Variants in PLAC8L1 observed in about 807,000 individuals in gnomAD.
PLAC8L1 encodes the protein PLAC8 like 1.
A neutral mutation model predicts 16.3 loss-of-function variants in PLAC8L1; 13 were observed. The observed-to-expected ratio is 0.80, with a 90% confidence interval of 0.52 to 1.27. The LOEUF (loss-of-function observed/expected upper bound fraction) is 1.27. Ranked by LOEUF, PLAC8L1 falls within the 50% of genes most tolerant of loss-of-function variation. The pLI, the probability that PLAC8L1 is intolerant of heterozygous loss-of-function variation, is 0.00. For missense variants in PLAC8L1, 184 were observed against 220.2 expected, an observed-to-expected ratio of 0.84 and a Z score of 1.04; for synonymous variants, 78 against 79.3, an observed-to-expected ratio of 0.98 and a Z score of 0.09.
intron 2 of PLAC8L1, among the ~76,000 whole-genome samples, chr5:146,092,831 C>T (rs903860404): frequency 4.6e-5 from 7 of 151,994 alleles, no homozygotes; most frequent in African/African-American, 9.7e-5. Context: ...CCACCGCACC[C>T]GGCCGAATTT....
At chr5:146,102,110 G>T (rs1032651258) in intron 1 of PLAC8L1, among the ~76,000 whole-genome samples, 5 of 143,326 alleles carry the variant, frequency 3.5e-5, no homozygotes, top group Middle Eastern at 3.8e-3. Flanking sequence ...GGCTGGAGTT[G>T]AGCGGCATGA....
At chr5:146,089,627 T>G (rs1763577351) in intron 2 of PLAC8L1, among the ~76,000 whole-genome samples, 1 of 152,084 alleles carries the variant, frequency 6.6e-6, no homozygotes. Context: ...TTTTATGTAT[T>G]TATCTATTAT....
intron 1 of PLAC8L1, chr5:146,103,627 C>G (rs1249521564): frequency 1.0e-6 from 1 of 978,742 alleles, no homozygotes; most frequent in Non-Finnish European, 1.2e-6. Flanking sequence ...GTGAGGGAGG[C>G]TTTAACTCAG....
intron 1 of PLAC8L1, among the ~76,000 whole-genome samples, chr5:146,100,512 T>G (rs1032313147): frequency 6.6e-6 from 1 of 152,208 alleles, no homozygotes; most frequent in Admixed American, 6.5e-5. Flanking sequence ...ATTTTATTAA[T>G]TGCCAAATTT....
chr5:146,103,283 C>A (rs946230266), intron 1 of PLAC8L1, among the ~76,000 whole-genome samples: 1 of 152,164 alleles, frequency 6.6e-6, no homozygotes, highest in East Asian at 1.9e-4. Context: ...CCTCAGCCCC[C>A]CTAATAGCTG....
At chr5:146,095,902 G>C (rs1763711261) in intron 2 of PLAC8L1, among the ~76,000 whole-genome samples, 1 of 152,192 alleles carries the variant, frequency 6.6e-6, no homozygotes, top group Non-Finnish European at 1.5e-5. Flanking sequence ...TCTGGGCTTG[G>C]CTTTTACCTG....
At chr5:146,088,685 C>G (rs1763562458) in intron 2 of PLAC8L1, among the ~76,000 whole-genome samples, 1 of 152,190 alleles carries the variant, frequency 6.6e-6, no homozygotes. Context: ...CTGTAGACAT[C>G]TCTTGGCCCA....
intron 1 of PLAC8L1, among the ~76,000 whole-genome samples, chr5:146,102,020 GT>G (rs908407351): frequency 7.4e-6 from 1 of 135,938 alleles, no homozygotes; most frequent in Non-Finnish European, 1.6e-5. Flanking sequence ...AAAAGAAAAT[GT>G]TTTTTTTCTG....
intron 1 of PLAC8L1, among the ~76,000 whole-genome samples, chr5:146,098,714 C>T (rs988280601): frequency 2.0e-5 from 3 of 152,180 alleles, no homozygotes; most frequent in African/African-American, 7.2e-5. Flanking sequence ...TATTGAAGGA[C>T]ATCTGATTCG....
At chr5:146,094,203 C>T (rs1763673942) in intron 2 of PLAC8L1, among the ~76,000 whole-genome samples, 1 of 152,118 alleles carries the variant, frequency 6.6e-6, no homozygotes, top group African/African-American at 2.4e-5. Context: ...CTGCCTCAGC[C>T]TCCGGTGTAG....
chr5:146,097,408 T>C (rs1236499828), intron 2 of PLAC8L1, among the ~76,000 whole-genome samples: 1 of 152,150 alleles, frequency 6.6e-6, no homozygotes, highest in African/African-American at 2.4e-5. Flanking sequence ...CCAAGACAAT[T>C]GAAAAAAGAA....
chr5:146,095,717 C>G (rs1381223856), intron 2 of PLAC8L1, among the ~76,000 whole-genome samples: 1 of 152,132 alleles, frequency 6.6e-6, no homozygotes. Context: ...ATTGGTAGGA[C>G]TATCATTCAG....
rs147984265 is a variant in PLAC8L1, at chr5:146,097,251, C to T, written c.256+905G>A. On this transcript the variant is annotated intron_variant, in intron 2 of 3. Coordinates refer to ENST00000311450, the MANE Select transcript of PLAC8L1 (RefSeq NM_001029869.3). ...ATCAATGAGCTTTGAACTCTAAGCC[C>T]AGGGGGGAATCATGTAGCCAGAAGA... Among the ~76,000 whole-genome samples, 421 of 152,264 alleles carry T rather than the reference C, an allele frequency of 2.8e-3. 1 individual carries two copies. The highest frequency in any genetic ancestry group is 4.1e-3 in the Admixed American group (63 of 15,298).
intron 3 of PLAC8L1, among the ~76,000 whole-genome samples, chr5:146,085,229 C>A (rs1763489313): frequency 6.6e-6 from 1 of 152,152 alleles, no homozygotes; most frequent in Admixed American, 6.5e-5. Context: ...AACAGCCTGG[C>A]CAACATGGCA....
chr5:146,084,342 T>C lies in PLAC8L1; in HGVS notation c.*90A>G. On this transcript the variant is annotated 3_prime_UTR_variant, in exon 4 of 4. Transcript: ENST00000311450. ...GGGGAAATCATTTATTTTCATACCATTTCAGTAAAAACTTAGGAAAAAGCA... is the reference window on the plus strand; with the variant it reads ...GGGGAAATCATTTATTTTCATACCACTTCAGTAAAAACTTAGGAAAAAGCA... 1.4e-6 allele frequency: 2 copies of C among 1,459,874 alleles called. No homozygotes were observed. Among genetic ancestry groups the C allele is most frequent in the Non-Finnish European group, 1.9e-6 (2 of 1,070,216 alleles). The allele number at this position is 1,459,874 out of a possible 1,614,324, so 90.4% of individuals were successfully genotyped here. A position where few individuals can be genotyped will look rare whatever the true frequency, so the allele number is the denominator to read the frequency against.
chr5:146,093,091 G>A (rs1019279535), intron 2 of PLAC8L1, among the ~76,000 whole-genome samples: 1 of 151,982 alleles, frequency 6.6e-6, no homozygotes, highest in East Asian at 1.9e-4. Flanking sequence ...TTATCTCCAA[G>A]AGCTGGGATT....
rs1165845497 is a variant in PLAC8L1, at chr5:146,085,373, C to G, written c.393+88G>C. 2.8e-6 allele frequency: 4 copies of G among 1,426,166 alleles called. No individual in the cohort carries two copies. The African/African-American group carries it at 4.2e-5, about 15-fold the overall frequency. The allele number at this position is 1,426,166 out of a possible 1,614,324, so 88.3% of individuals were successfully genotyped here. On this transcript the variant is annotated intron_variant, in intron 3 of 3. Transcript: ENST00000311450. ...GGTATGTTTCAACATCCTCACCCAC[C>G]CTTCTTTTATTTGGAAAATCACAGG...
At chr5:146,102,040 C>CTTTTTTTT (rs36011275) in intron 1 of PLAC8L1, among the ~76,000 whole-genome samples, 6 of 130,498 alleles carry the variant, frequency 4.6e-5, no homozygotes, top group Admixed American at 8.2e-5. Context: ...TGTGTTTACC[C>CTTTTTTTT]TTTTTTTTTT....
intron 1 of PLAC8L1, among the ~76,000 whole-genome samples, chr5:146,098,733 GC>G (rs1372023271): frequency 3.3e-5 from 5 of 152,184 alleles, no homozygotes; most frequent in African/African-American, 1.2e-4. Flanking sequence ...CGTTTACTGT[GC>G]CCAGGGGATG....
Sources: allele counts gnomAD v4.1 joint callset (sites outside exome capture counted in the v4.1 genomes callset), GRCh38; gene constraint gnomAD v4.1.1; transcripts MANE v1.5; gene names NCBI Gene and HGNC (gene_info 2026-07-23, HGNC 2026-07-21).